The following DENND2B variants were observed in gnomAD, a reference collection of about 807,000 sequenced individuals.
The protein encoded by DENND2B is DENN domain containing 2B, also known as DENN domain-containing protein 2B.
DENND2B carries 32 observed loss-of-function variants against 116.0 expected under a neutral mutation model. That is an observed-to-expected ratio of 0.28 (90% CI 0.21 to 0.37). The LOEUF is 0.37. DENND2B is among the 10% of genes least tolerant of loss of function. DENND2B has a pLI of 1.00. For missense variants in DENND2B, 1,276 were observed against 1,477.7 expected, an observed-to-expected ratio of 0.86 and a Z score of 2.24; for synonymous variants, 588 against 583.9, an observed-to-expected ratio of 1.01 and a Z score of -0.10.
chr11:8,890,566 A>G (rs1490212361), intron 1 of DENND2B, among the ~76,000 whole-genome samples: 2 of 152,192 alleles, frequency 1.3e-5, no homozygotes, highest in Admixed American at 1.3e-4. Context: ...GGAGCTGAAA[A>G]CCATGGCATG....
At chr11:8,740,907 G>A (rs577147289) in intron 2 of DENND2B, among the ~76,000 whole-genome samples, 9 of 152,224 alleles carry the variant, frequency 5.9e-5, no homozygotes, top group Admixed American at 5.9e-4. Context: ...GAAAAAGGAG[G>A]AAGAGTGCCT....
chr11:8,791,762 T>G (rs768609679), intron 1 of DENND2B, among the ~76,000 whole-genome samples: 4 of 67,822 alleles, frequency 5.9e-5, no homozygotes, highest in Admixed American at 2.2e-4. Context: ...CAAGACCCTA[T>G]CTCAAAAAAA....
intron 1 of DENND2B, chr11:8,771,641 C>CT (rs1417512357): frequency 2.0e-5 from 3 of 149,278 alleles, no homozygotes; most frequent in Admixed American, 6.7e-5. Flanking sequence ...GAGGAGCCTA[C>CT]TTTGTGATTC....
chr11:8,711,394 T>G (rs534908504), intron 9 of DENND2B, among the ~76,000 whole-genome samples, 163 bp from the exon 10 acceptor site: 1 of 152,250 alleles, frequency 6.6e-6, no homozygotes, highest in South Asian at 2.1e-4. Context: ...AGAGTCATCA[T>G]TCATTCATTC....
At position 8,782,251 on chromosome 11, in the gene DENND2B, G is replaced by A. The variant is rs187126366; in HGVS notation, c.-26+28266C>T. ...AATGAAAAAAAATCAACCTGCAAAAGGTTTGCCTGCAAGAATAGTATCATG... is the reference window on the plus strand; with the variant it reads ...AATGAAAAAAAATCAACCTGCAAAAAGTTTGCCTGCAAGAATAGTATCATG... On this transcript the variant is annotated intron_variant, in intron 1 of 19. Coordinates refer to ENST00000313726, the MANE Select transcript of DENND2B (RefSeq NM_213618.2). Among the ~76,000 whole-genome samples, 323 of 152,194 alleles carry A rather than the reference G, an allele frequency of 2.1e-3. 1 individual carries two copies. The highest frequency in any genetic ancestry group is 7.2e-3 in the African/African-American group (298 of 41,522).
intron 2 of DENND2B, among the ~76,000 whole-genome samples, chr11:8,863,507 A>ACAGG (rs2063477739): frequency 6.6e-6 from 1 of 152,134 alleles, no homozygotes; most frequent in Admixed American, 6.5e-5. Flanking sequence ...TGCTGGGATT[A>ACAGG]CAGGCGTCAG....
Position 8,730,653 on chromosome 11 carries a change from G to A in DENND2B, c.637C>T (p.Pro213Ser), listed in dbSNP as rs756808998. 1 of 1,612,682 alleles carries A rather than the reference G, an allele frequency of 6.2e-7. No individual in the cohort carries two copies. The highest frequency in any genetic ancestry group is 1.7e-5 in the Admixed American group (1 of 60,006). Residue 213 changes from proline to serine, a missense_variant, in exon 3 of 20, where the codon CCC (proline) becomes TCC (serine). Pro to Ser is a moderately conservative substitution (Grantham distance 74). Transcript: ENST00000313726. The surrounding 1 kb of genome is among the most constrained non-coding windows in gnomAD (Gnocchi z 4.1). Reference protein sequence around the residue: ...SLGCPSVVPSPCSSEKTFDFK... With the variant: ...SLGCPSVVPSSCSSEKTFDFK... ...TCAAAGGTCTTTTCAGAGCTGCAGG[G>A]GGACGGCACCACGCTGGGACAGCCC...
chr11:8,777,524 C>T (rs1164831268), intron 1 of DENND2B, among the ~76,000 whole-genome samples: 3 of 152,184 alleles, frequency 2.0e-5, no homozygotes, highest in Non-Finnish European at 4.4e-5. Context: ...AGGCCTGTCA[C>T]ATATGGTCCA....
chr11:8,854,497 T>C (rs1207275834), intron 3 of DENND2B, among the ~76,000 whole-genome samples: 1 of 152,156 alleles, frequency 6.6e-6, no homozygotes, highest in Non-Finnish European at 1.5e-5. Flanking sequence ...CCACAGTGCC[T>C]GGCCTAAAAG....
chr11:8,799,317 T>G (rs1276895277), intron 1 of DENND2B, among the ~76,000 whole-genome samples: 1 of 152,178 alleles, frequency 6.6e-6, no homozygotes, highest in Non-Finnish European at 1.5e-5. Context: ...GAAAGGACAG[T>G]GCTACCTGTT....
At chr11:8,727,692 G>A (rs538541031) in intron 3 of DENND2B, among the ~76,000 whole-genome samples, 4 of 152,116 alleles carry the variant, frequency 2.6e-5, no homozygotes, top group Non-Finnish European at 5.9e-5. Context: ...ACAGTGGTTC[G>A]CAAATGTTGG....
At chr11:8,737,661 C>T (rs375986575) in intron 2 of DENND2B, among the ~76,000 whole-genome samples, 1 of 125,858 alleles carries the variant, frequency 7.9e-6, no homozygotes, top group Non-Finnish European at 1.9e-5. Flanking sequence ...CTTTCTCTCT[C>T]TTTTTCTTTC....
At chr11:8,760,120 C>G (rs1029310482) in intron 1 of DENND2B, among the ~76,000 whole-genome samples, 2 of 152,216 alleles carry the variant, frequency 1.3e-5, no homozygotes, top group Admixed American at 6.5e-5. Context: ...TCTGCCTAAC[C>G]TCCCGACAGA....
At chr11:8,804,881 A>T (rs142307720) in intron 1 of DENND2B, among the ~76,000 whole-genome samples, 27 of 152,224 alleles carry the variant, frequency 1.8e-4, no homozygotes, top group African/African-American at 6.3e-4. Flanking sequence ...GTTTGTTCCC[A>T]GCGTAGTAAC....
chr11:8,700,618 C>T (rs2041387855), intron 14 of DENND2B, among the ~76,000 whole-genome samples: 1 of 152,126 alleles, frequency 6.6e-6, no homozygotes, highest in Non-Finnish European at 1.5e-5. Context: ...CTTCACTGCC[C>T]TCCTGTGAGC....
At chr11:8,794,221 T>C (rs2059625005) in intron 1 of DENND2B, among the ~76,000 whole-genome samples, 1 of 152,224 alleles carries the variant, frequency 6.6e-6, no homozygotes, top group African/African-American at 2.4e-5. Context: ...CAGTGTTACA[T>C]ACACAGCAAG....
chr11:8,734,428 A>G (rs2048625708), intron 2 of DENND2B, among the ~76,000 whole-genome samples: 1 of 152,012 alleles, frequency 6.6e-6, no homozygotes, highest in African/African-American at 2.4e-5. Context: ...AAGCTTCATG[A>G]CTTTGAGCAA....
At chr11:8,856,694 G>C (rs2063204618) in intron 3 of DENND2B, among the ~76,000 whole-genome samples, 1 of 152,024 alleles carries the variant, frequency 6.6e-6, no homozygotes, top group Non-Finnish European at 1.5e-5. Flanking sequence ...TCTCTGGGCA[G>C]CTGCTCCCAT....
intron 4 of DENND2B, among the ~76,000 whole-genome samples, chr11:8,827,834 T>C (rs546315984): frequency 6.6e-6 from 1 of 152,368 alleles, no homozygotes; most frequent in South Asian, 2.1e-4. Flanking sequence ...CTTCACCTTA[T>C]GCTCTGAGGG....
Sources: gnomAD v4.1 joint callset for allele counts (sites outside exome capture counted in the v4.1 genomes callset) on GRCh38, gnomAD v4.1.1 for gene constraint, Gnocchi (gnomAD v3.1) non-coding constraint, MANE v1.5 for transcripts, NCBI Gene and HGNC (gene_info 2026-07-23, HGNC 2026-07-21) for gene names.